Variants in ZNF675 observed in about 807,000 individuals in gnomAD.
ZNF675 encodes the protein zinc finger protein 675.
ZNF675 carries 36 observed loss-of-function variants against 56.1 expected under a neutral mutation model. The ratio of observed to expected loss-of-function variants is 0.64; its 90% CI spans 0.49 to 0.85. ZNF675 has a LOEUF of 0.85. Ranked by LOEUF, ZNF675 falls within the 40% of genes least tolerant of loss-of-function variation. ZNF675 has a pLI of 0.00. For missense variants in ZNF675, 663 were observed against 654.2 expected, an observed-to-expected ratio of 1.01 and a Z score of -0.15; for synonymous variants, 200 against 218.9, an observed-to-expected ratio of 0.91 and a Z score of 0.76.
chr19:23,661,908 C>T (rs1179812302), intron 3 of ZNF675: 2 of 453,564 alleles, frequency 4.4e-6, no homozygotes, highest in African/African-American at 4.0e-5. Flanking sequence ...AGGAAAATTA[C>T]CAAAAATGTA....
intron 1 of ZNF675, among the ~76,000 whole-genome samples, chr19:23,686,754 C>G (rs981216960): frequency 1.3e-5 from 2 of 152,200 alleles, no homozygotes; most frequent in Admixed American, 1.3e-4. Context: ...CCTGCACAAT[C>G]TGAGAGAAAT....
chr19:23,656,155 C>A (rs1432783682), intron 3 of ZNF675: 2 of 151,898 alleles, frequency 1.3e-5, no homozygotes, highest in African/African-American at 4.8e-5. Context: ...GTGAATAAAA[C>A]AAAAAATTAA....
chr19:23,660,886 T>C (rs925304029), intron 3 of ZNF675, among the ~76,000 whole-genome samples: 3 of 151,744 alleles, frequency 2.0e-5, no homozygotes, highest in Admixed American at 6.6e-5. Context: ...CGAAGCAAGC[T>C]TGAGAAAAAA....
At chr19:23,677,702 G>A (rs1353700179) in intron 1 of ZNF675, among the ~76,000 whole-genome samples, 9 of 23,610 alleles carry the variant, frequency 3.8e-4, no homozygotes, top group South Asian at 2.5e-3. Context: ...GTGAGACTCC[G>A]TCTCAAAAAA....
At chr19:23,680,582 C>A (rs1750597492) in intron 1 of ZNF675, among the ~76,000 whole-genome samples, 1 of 151,352 alleles carries the variant, frequency 6.6e-6, no homozygotes, top group Non-Finnish European at 1.5e-5. Flanking sequence ...CATGGTGAAA[C>A]CCTGTCTCTA....
At position 23,654,176 on chromosome 19, in the gene ZNF675, C is replaced by T; in HGVS notation, c.757G>A (p.Glu253Lys). 6.2e-7 allele frequency: 1 copy of T among 1,614,032 alleles called. No individual in the cohort carries two copies. ...CATTCTTCACATTTGTATGGTTTCT[C>T]TCGAGCATAATCTTTTTTATATTCA... is the stretch of plus-strand genomic sequence containing the variant. ...LTEYKKDYAR[E>K]KPYKCEECGK... The change falls in exon 4 of 4, where the codon GAG becomes AAG. Residue 253 changes from glutamate (E) to lysine (K), a missense_variant. Physicochemically the swap from Glu to Lys is moderately conservative, Grantham distance 56. Coordinates refer to ENST00000359788, the MANE Select transcript of ZNF675 (RefSeq NM_138330.3).
Position 23,653,812 on chromosome 19 carries a change from C to CCG in ZNF675, c.1119_1120dup (p.Gly374AlafsTer156), listed in dbSNP as rs1568287059. On this transcript the variant is annotated frameshift_variant, in exon 4 of 4. Transcript: ENST00000359788. LOFTEE classifies it high-confidence loss of function. The stretch of plus-strand genomic sequence containing the variant: ...ATTTGAGGATCGGTTAAAAGCTTTG[C>CCG]CGCATTCCTCACATTTGTAGGGTTG... The CCG allele has an allele frequency of 1.2e-6, 2 of 1,613,474 alleles. No homozygotes were observed. The highest frequency in any genetic ancestry group is 1.7e-6 in the Non-Finnish European group (2 of 1,179,804).
rs1599420572 is a variant in ZNF675 at position 23,674,176 on chromosome 19, C to T, written c.4-11018G>A. On this transcript the variant is annotated intron_variant, in intron 1 of 3. Transcript: ENST00000359788. ...CGAGATCAAGCCATTGCACTCCAGCCTAGGCGAAAAGAGCAAAACTCTATC... is the reference window on the plus strand; with the variant it reads ...CGAGATCAAGCCATTGCACTCCAGCTTAGGCGAAAAGAGCAAAACTCTATC... Among the ~76,000 whole-genome samples, 2 of 151,000 alleles carry T rather than the reference C, an allele frequency of 1.3e-5. 1 individual carries two copies. The highest frequency in any genetic ancestry group is 4.9e-5 in the African/African-American group (2 of 40,724).
intron 1 of ZNF675, among the ~76,000 whole-genome samples, chr19:23,684,123 G>A (rs181155662): frequency 5.3e-5 from 8 of 151,840 alleles, no homozygotes; most frequent in African/African-American, 1.7e-4. Context: ...TTAGCTGGGC[G>A]TGGTGGCGGG....
intron 3 of ZNF675, chr19:23,655,386 G>GAA: frequency 6.5e-6 from 1 of 153,166 alleles, no homozygotes; most frequent in African/African-American, 2.4e-5. Flanking sequence ...CTTCTGGTGA[G>GAA]GGTCTCAGGA....
intron 3 of ZNF675, 138 bp downstream of exon 3, chr19:23,661,976 A>T: frequency 1.5e-6 from 1 of 666,700 alleles, no homozygotes; most frequent in South Asian, 1.8e-5. Context: ...ATGTGAGAGC[A>T]TAAAATACTC....
At position 23,654,127 on chromosome 19, in the gene ZNF675, G is replaced by A. The variant is rs1333288565; in HGVS notation, c.806C>T (p.Ser269Leu). The change falls in exon 4 of 4, where the codon TCA becomes TTA. Residue 269 changes from serine to leucine, a missense_variant. By Grantham distance (145) the Ser-to-Leu change is moderately radical. Transcript: ENST00000359788. ...EECGKAFNQS[S>L]HLTTHKIIHT... ...AATTATCTTATGTGTAGTAAGGTGTGAGGACTGGTTAAAGGCTTTGCCACA... is the reference window on the plus strand; with the variant it reads ...AATTATCTTATGTGTAGTAAGGTGTAAGGACTGGTTAAAGGCTTTGCCACA... 1 of 1,613,844 alleles carries A rather than the reference G, an allele frequency of 6.2e-7. No individual in the cohort carries two copies. Among genetic ancestry groups the A allele is most frequent in the East Asian group, 2.2e-5 (1 of 44,868 alleles).
intron 1 of ZNF675, among the ~76,000 whole-genome samples, chr19:23,682,951 G>A (rs1444528088): frequency 6.6e-6 from 1 of 151,694 alleles, no homozygotes; most frequent in Non-Finnish European, 1.5e-5. Context: ...CACTTTGGGA[G>A]GCCAAGGCCA....
intron 3 of ZNF675, 40 bp from the exon 4 acceptor site, chr19:23,654,746 G>A: frequency 6.9e-7 from 1 of 1,445,822 alleles, no homozygotes; most frequent in Non-Finnish European, 9.2e-7. Flanking sequence ...TACAGACTCA[G>A]ATAAATATAC....
At chr19:23,678,932 C>T (rs1224382990) in intron 1 of ZNF675, among the ~76,000 whole-genome samples, 1 of 151,032 alleles carries the variant, frequency 6.6e-6, no homozygotes, top group Admixed American at 6.6e-5. Context: ...TTTGGAAGGC[C>T]GAGGCGGGTG....
chr19:23,680,036 C>T (rs779413290), intron 1 of ZNF675, among the ~76,000 whole-genome samples: 41 of 148,094 alleles, frequency 2.8e-4, no homozygotes, highest in Non-Finnish European at 5.2e-4. Context: ...TGGCCAGACG[C>T]GGTGGCTCAC....
At chr19:23,663,784 T>C (rs192526945) in intron 1 of ZNF675, among the ~76,000 whole-genome samples, 7 of 152,328 alleles carry the variant, frequency 4.6e-5, no homozygotes, top group South Asian at 2.1e-4. Context: ...CAAGCTTCTG[T>C]GTAATAAATG....
At chr19:23,657,365 A>C (rs1324315040) in intron 3 of ZNF675, among the ~76,000 whole-genome samples, 1 of 152,234 alleles carries the variant, frequency 6.6e-6, no homozygotes, top group Non-Finnish European at 1.5e-5. Flanking sequence ...TTCAAATCAC[A>C]AAAGTGTTTC....
chr19:23,660,810 G>C (rs779168285), intron 3 of ZNF675, among the ~76,000 whole-genome samples: 4 of 151,886 alleles, frequency 2.6e-5, no homozygotes, highest in Non-Finnish European at 5.9e-5. Context: ...AGTGGCATTT[G>C]TTTTTCACAG....
Sources: allele counts gnomAD v4.1 joint callset (sites outside exome capture counted in the v4.1 genomes callset), GRCh38; gene constraint gnomAD v4.1.1; transcripts MANE v1.5; gene names NCBI Gene and HGNC (gene_info 2026-07-23, HGNC 2026-07-21).